Variants in ATF1 observed in about 807,000 individuals in gnomAD.
ATF1 encodes cyclic AMP-dependent transcription factor ATF-1.
A neutral mutation model predicts 34.7 loss-of-function variants in ATF1; 16 were observed. That is an observed-to-expected ratio of 0.46 (90% CI 0.31 to 0.70). ATF1 has a LOEUF of 0.70. ATF1 is among the 30% of genes least tolerant of loss of function. ATF1 has a pLI of 0.05. For missense variants in ATF1, 255 were observed against 321.6 expected, an observed-to-expected ratio of 0.79 and a Z score of 1.58; for synonymous variants, 105 against 113.1, an observed-to-expected ratio of 0.93 and a Z score of 0.46.
intron 6 of ATF1, among the ~76,000 whole-genome samples, chr12:50,817,063 A>G (rs1249735286): frequency 1.3e-5 from 2 of 152,196 alleles, no homozygotes; most frequent in African/African-American, 4.8e-5. Context: ...AGATACTACT[A>G]TAGGAGTGTA....
At chr12:50,775,336 A>T (rs1940892344) in intron 1 of ATF1, among the ~76,000 whole-genome samples, 1 of 150,552 alleles carries the variant, frequency 6.6e-6, no homozygotes, top group Admixed American at 6.6e-5. Flanking sequence ...TTTTTTTTTG[A>T]TCATATTAGT....
At chr12:50,807,703 C>G (rs979541374) in intron 3 of ATF1, among the ~76,000 whole-genome samples, 1 of 151,696 alleles carries the variant, frequency 6.6e-6, no homozygotes, top group Non-Finnish European at 1.5e-5. Flanking sequence ...TCTCATTTTT[C>G]TACAGTGAAC....
At chr12:50,814,697 A>T (rs1941806624) in intron 6 of ATF1, among the ~76,000 whole-genome samples, 1 of 152,220 alleles carries the variant, frequency 6.6e-6, no homozygotes, top group African/African-American at 2.4e-5. Flanking sequence ...TGCCAATCAT[A>T]TAAAAGTGTA....
At chr12:50,809,316 G>A (rs1447280213) in intron 3 of ATF1, 140 bp from the exon 4 acceptor site, 2 of 696,340 alleles carry the variant, frequency 2.9e-6, no homozygotes, top group Non-Finnish European at 4.5e-6. Context: ...AGAGGTTGCA[G>A]TGAGCCATGA....
chr12:50,781,533 C>A (rs1941061029), intron 2 of ATF1, among the ~76,000 whole-genome samples: 1 of 152,000 alleles, frequency 6.6e-6, no homozygotes, highest in African/African-American at 2.4e-5. Context: ...TCACTACAAC[C>A]TCCGCCTCCC....
chr12:50,798,600 T>C (rs994378062), intron 3 of ATF1, among the ~76,000 whole-genome samples: 10 of 152,204 alleles, frequency 6.6e-5, no homozygotes, highest in East Asian at 1.9e-4. Context: ...TGAGTCACCA[T>C]GCCCAGCCTG....
chr12:50,817,860 A>C lies in ATF1; in HGVS notation c.672-1775A>C, dbSNP rs543389353. On this transcript the variant is annotated intron_variant, in intron 6 of 6. Transcript: ENST00000262053. ...CCAAACTTTGTGCATAATGAGGGAA[A>C]TGTTAAAGCAGTGAGGTTCGCTTTT... 8.5e-5 allele frequency among the ~76,000 whole-genome samples: 13 copies of C among 152,318 alleles called. No individual in the cohort carries two copies. In the South Asian group the frequency reaches 1.2e-3, roughly 15 times the overall value.
intron 2 of ATF1, among the ~76,000 whole-genome samples, chr12:50,782,364 T>G (rs1367268007): frequency 1.3e-5 from 2 of 151,868 alleles, no homozygotes; most frequent in Non-Finnish European, 2.9e-5. Context: ...CACGCCATTC[T>G]CCTGCCTCAG....
intron 2 of ATF1, among the ~76,000 whole-genome samples, chr12:50,782,912 A>G (rs1592176244): frequency 6.7e-6 from 1 of 148,334 alleles, no homozygotes; most frequent in African/African-American, 2.5e-5. Flanking sequence ...CTGGTCTTGA[A>G]CTCCTGACGT....
Position 50,793,506 on chromosome 12 carries a change from T to TCCCAGCTA in ATF1, c.94-2393_94-2386dup, listed in dbSNP as rs1261205911. On this transcript the variant is annotated intron_variant, in intron 2 of 6. Transcript: ENST00000262053. ...AAGGCATGGTGGCAGGTGCCTGTAA[T>TCCCAGCTA]CCCAGCTACCCAGCTACTTGGGAGG... Among the ~76,000 whole-genome samples the TCCCAGCTA allele has an allele frequency of 1.3e-4, 19 of 151,886 alleles. No individual in the cohort carries two copies. The South Asian group carries it at 3.7e-3, about 30-fold the overall frequency.
chr12:50,790,838 A>C (rs561588988), intron 2 of ATF1, among the ~76,000 whole-genome samples: 35 of 152,112 alleles, frequency 2.3e-4, no homozygotes, highest in Non-Finnish European at 4.7e-4. Flanking sequence ...TGGTTACTAC[A>C]TTTACAGGCC....
intron 3 of ATF1, among the ~76,000 whole-genome samples, chr12:50,802,385 C>T (rs146072689): frequency 6.6e-6 from 1 of 152,028 alleles, no homozygotes; most frequent in Non-Finnish European, 1.5e-5. Context: ...ATTAGCCAGG[C>T]CTGGTGGCAC....
At chr12:50,816,652 G>A (rs1175260093) in intron 6 of ATF1, among the ~76,000 whole-genome samples, 1 of 151,894 alleles carries the variant, frequency 6.6e-6, no homozygotes, top group Non-Finnish European at 1.5e-5. Context: ...CAGCATTTTC[G>A]GAGGCCAAGG....
chr12:50,813,965 G>A, intron 4 of ATF1, 45 bp from the exon 5 acceptor site: 1 of 1,550,482 alleles, frequency 6.4e-7, no homozygotes, highest in South Asian at 1.2e-5. Context: ...TTGAATTAGT[G>A]TATTATATAA....
chr12:50,817,607 G>T (rs572507786), intron 6 of ATF1, among the ~76,000 whole-genome samples: 2 of 152,256 alleles, frequency 1.3e-5, no homozygotes, highest in South Asian at 4.2e-4. Flanking sequence ...GGGAAGTACG[G>T]AGTTTTATGG....
Position 50,817,944 on chromosome 12 carries a change from T to A in ATF1, c.672-1691T>A, listed in dbSNP as rs564755781. On this transcript the variant is annotated intron_variant, in intron 6 of 6. Coordinates refer to ENST00000262053, the MANE Select transcript of ATF1 (RefSeq NM_005171.5). Reference sequence around the variant, plus strand: ...GTTCATAACAGGCACTCTCATGTACTGCCCCTGGGAATGTAAATGGTACAA... The same window carrying A: ...GTTCATAACAGGCACTCTCATGTACAGCCCCTGGGAATGTAAATGGTACAA... Among the ~76,000 whole-genome samples, 322 of 152,320 alleles carry A rather than the reference T, an allele frequency of 2.1e-3. 3 individuals carry two copies. The highest frequency in any genetic ancestry group is 3.9e-3 in the Non-Finnish European group (268 of 68,026).
chr12:50,766,895 G>A (rs527490170), intron 1 of ATF1, among the ~76,000 whole-genome samples: 8 of 152,300 alleles, frequency 5.3e-5, no homozygotes, highest in African/African-American at 1.9e-4. Context: ...GCCACATGTT[G>A]AAACTCCAAG....
chr12:50,790,880 A>G (rs549687868), intron 2 of ATF1, among the ~76,000 whole-genome samples: 8 of 152,228 alleles, frequency 5.3e-5, no homozygotes, highest in Non-Finnish European at 8.8e-5. Context: ...TAGAATGTCT[A>G]CATCTCATGG....
chr12:50,815,618 C>A (rs1029263790), intron 6 of ATF1, among the ~76,000 whole-genome samples: 4 of 151,416 alleles, frequency 2.6e-5, no homozygotes. Context: ...CAGACCTGGG[C>A]TCAAGTGATC....
Sources: allele counts gnomAD v4.1 joint callset (sites outside exome capture counted in the v4.1 genomes callset), GRCh38; gene constraint gnomAD v4.1.1; transcripts MANE v1.5; gene names NCBI Gene and HGNC (gene_info 2026-07-23, HGNC 2026-07-21).